Variants in PMPCB observed in about 807,000 individuals in gnomAD.
The protein encoded by PMPCB is peptidase, mitochondrial processing subunit beta.
In PMPCB, 46 loss-of-function variants were observed where a neutral mutation model predicts 61.5. The ratio of observed to expected loss-of-function variants is 0.75; its 90% CI spans 0.59 to 0.96. The LOEUF (loss-of-function observed/expected upper bound fraction) is 0.96. PMPCB is among the 40% of genes least tolerant of loss of function. PMPCB has a pLI of 0.00. For missense variants in PMPCB, 590 were observed against 602.4 expected (o/e 0.98, Z 0.22); for synonymous variants, 191 against 201.6 (o/e 0.95, Z 0.44).
downstream of PMPCB, chr7:103,315,802 G>A: frequency 6.2e-7 from 1 of 1,613,638 alleles, no homozygotes; most frequent in Non-Finnish European, 8.5e-7. Flanking sequence ...GTCTGCTTGA[G>A]GTACCACTCC....
At chr7:103,334,794 T>C in the PMPCB span, among the ~76,000 whole-genome samples, 1 of 152,084 alleles carries the variant, frequency 6.6e-6, no homozygotes, top group Non-Finnish European at 1.5e-5. Flanking sequence ...TATTTCAACA[T>C]ATACTGCAAG....
chr7:103,345,522 TTTA>T, the PMPCB span, among the ~76,000 whole-genome samples: 1 of 152,040 alleles, frequency 6.6e-6, no homozygotes, highest in Non-Finnish European at 1.5e-5. Flanking sequence ...TATGCCACTC[TTTA>T]GCAAGGACCA....
At chr7:103,322,365 T>C (rs1337088283) in intron 12 of PMPCB, 2 of 906,142 alleles carry the variant, frequency 2.2e-6, no homozygotes, top group Non-Finnish European at 3.2e-6. Context: ...CTCTCAATTA[T>C]ACCAACTGGT....
At chr7:103,299,163 T>C (rs1817379304) in intron 2 of PMPCB, among the ~76,000 whole-genome samples, 1 of 152,210 alleles carries the variant, frequency 6.6e-6, no homozygotes. Flanking sequence ...TCTGACAGTC[T>C]CTGATGTTCT....
chr7:103,344,488 G>A, the PMPCB span: 1 of 1,563,996 alleles, frequency 6.4e-7, no homozygotes, highest in Non-Finnish European at 8.8e-7. Flanking sequence ...GAGAGCCCAG[G>A]GTTGCCGAGG....
chr7:103,337,440 G>A, the PMPCB span: 3 of 258,934 alleles, frequency 1.2e-5, no homozygotes, highest in Non-Finnish European at 2.2e-5. Context: ...TACTTCTAAA[G>A]AGAGGTGAAG....
At chr7:103,344,730 C>G in the PMPCB span, 1 of 1,177,052 alleles carries the variant, frequency 8.5e-7, no homozygotes, top group East Asian at 2.4e-5. Context: ...CGCCTTGGCT[C>G]TAAGACGCCC....
intron 4 of PMPCB, among the ~76,000 whole-genome samples, chr7:103,302,430 C>T (rs1323966353): frequency 1.3e-5 from 2 of 152,170 alleles, no homozygotes; most frequent in Non-Finnish European, 2.9e-5. Flanking sequence ...AGCCCCCCTC[C>T]CTGCCTTTGG....
the PMPCB span, among the ~76,000 whole-genome samples, chr7:103,345,574 A>G: frequency 6.6e-6 from 1 of 151,182 alleles, no homozygotes; most frequent in Non-Finnish European, 1.5e-5. Context: ...TACTAATTTC[A>G]TTATATTTTC....
At chr7:103,337,221 T>A in the PMPCB span, 1 of 153,164 alleles carries the variant, frequency 6.5e-6, no homozygotes, top group South Asian at 2.0e-4. Context: ...TTATAAGGCA[T>A]ATGAAGACTG....
Position 103,312,502 on chromosome 7 carries a change from T to G in PMPCB, c.*231T>G. The G allele has an allele frequency of 6.3e-7, 1 of 1,581,866 alleles. No homozygotes were observed. Among genetic ancestry groups the G allele is most frequent in the Non-Finnish European group, 8.6e-7 (1 of 1,167,786 alleles). ...TTTCAAATTATTACCATGAGTATAA[T>G]TTTAAGAATGAAAATGTTTACAGTA... On this transcript the variant is annotated 3_prime_UTR_variant, in exon 13 of 13. Coordinates refer to ENST00000249269, the MANE Select transcript of PMPCB (RefSeq NM_004279.3).
downstream of PMPCB, among the ~76,000 whole-genome samples, chr7:103,330,331 G>A (rs1818914852): frequency 6.6e-6 from 1 of 151,910 alleles, no homozygotes; most frequent in African/African-American, 2.4e-5. Flanking sequence ...TGTTGCTCAG[G>A]CTGGAGCACA....
Position 103,313,671 on chromosome 7 carries a change from T to A in PMPCB, c.*1400T>A, listed in dbSNP as rs887412260. ...GTAGTGTGGTGTTCTCTTCGTCACA[T>A]CTGCTAAAATCTTGGGAGCCGATGC... On this transcript the variant is annotated 3_prime_UTR_variant, in exon 13 of 13. Transcript: ENST00000249269. The A allele has an allele frequency of 2.0e-6, 2 of 985,314 alleles. No individual in the cohort carries two copies. Among genetic ancestry groups the A allele is most frequent in the African/African-American group, 3.5e-5 (2 of 57,232 alleles). The allele number at this position is 985,314 out of a possible 1,614,324, so 61.0% of individuals were successfully genotyped here.
downstream of PMPCB, among the ~76,000 whole-genome samples, chr7:103,329,905 G>A (rs534168946): frequency 5.3e-5 from 8 of 151,986 alleles, no homozygotes; most frequent in South Asian, 1.2e-3. Flanking sequence ...CTTTCCAATA[G>A]TTGTCTCTTA....
chr7:103,307,370 G>T (rs1817618022), intron 6 of PMPCB, among the ~76,000 whole-genome samples: 1 of 152,098 alleles, frequency 6.6e-6, no homozygotes, highest in Admixed American at 6.6e-5. Context: ...GAATCCATTG[G>T]TCTGTTGATG....
intron 12 of PMPCB, chr7:103,322,933 A>ATTT: frequency 1.2e-5 from 7 of 581,058 alleles, no homozygotes; most frequent in South Asian, 2.7e-5. Context: ...TTAAACAATG[A>ATTT]TTTTTTTTTT....
At chr7:103,319,310 G>A (rs139175641), downstream of PMPCB, among the ~76,000 whole-genome samples, 2,163 of 152,198 alleles carry the variant, frequency 0.014, 50 homozygotes, top group African/African-American at 0.047. Flanking sequence ...GGTGTTGTGC[G>A]CCTATAATCC....
downstream of PMPCB, chr7:103,316,961 A>G (rs1439708610): frequency 1.2e-6 from 2 of 1,613,988 alleles, no homozygotes; most frequent in Non-Finnish European, 1.7e-6. Context: ...CTTGTCGCAT[A>G]CGAGCCTCAG....
In PMPCB at chr7:103,312,711, G is replaced by T; in HGVS notation, c.*440G>T. 1.3e-6 allele frequency: 2 copies of T among 1,589,468 alleles called. No individual in the cohort carries two copies. Among genetic ancestry groups the T allele is most frequent in the South Asian group, 1.2e-5 (1 of 86,858 alleles). ...AAACAGACATTTTAATCTAGTGTTTGGTGTAAAGAATTCAAGCAACTAAGA... is the reference window on the plus strand; with the variant it reads ...AAACAGACATTTTAATCTAGTGTTTTGTGTAAAGAATTCAAGCAACTAAGA... On this transcript the variant is annotated 3_prime_UTR_variant, in exon 13 of 13. Coordinates refer to ENST00000249269, the MANE Select transcript of PMPCB (RefSeq NM_004279.3).
Sources: allele counts gnomAD v4.1 joint callset (sites outside exome capture counted in the v4.1 genomes callset), GRCh38; gene constraint gnomAD v4.1.1; transcripts MANE v1.5; gene names NCBI Gene and HGNC (gene_info 2026-07-23, HGNC 2026-07-21).